The following NR3C2 variants were observed in gnomAD, a reference collection of about 807,000 sequenced individuals.
NR3C2 encodes the protein nuclear receptor subfamily 3 group C member 2.
NR3C2 carries 15 observed loss-of-function variants against 86.4 expected under a neutral mutation model. That is an observed-to-expected ratio of 0.17 (90% CI 0.12 to 0.27). The LOEUF is 0.27. NR3C2 is among the 10% of genes least tolerant of loss of function. The pLI is 1.00. For missense variants in NR3C2, 960 were observed against 1,195.6 expected, an observed-to-expected ratio of 0.80 and a Z score of 2.91; for synonymous variants, 458 against 450.5, an observed-to-expected ratio of 1.02 and a Z score of -0.21.
chr4:148,188,826 T>C (rs1240171000), intron 4 of NR3C2, among the ~76,000 whole-genome samples: 1 of 152,130 alleles, frequency 6.6e-6, no homozygotes, highest in East Asian at 1.9e-4. Context: ...TCAGAGGGAA[T>C]GCTTTCAACT....
chr4:148,134,029 C>T (rs942797153), intron 6 of NR3C2, among the ~76,000 whole-genome samples: 8 of 152,182 alleles, frequency 5.3e-5, no homozygotes, highest in African/African-American at 1.7e-4. Context: ...CCCTAGAAAA[C>T]ATTTTTGGAT....
rs780306829 is a variant in NR3C2 at position 148,436,009 on chromosome 4, T to C, written c.852A>G (p.Pro284=). The change falls in exon 2 of 9, where the codon CCA becomes CCG. Residue 284 remains proline (P), a synonymous_variant. Transcript: ENST00000358102. ...SPPSHCSVKS[P]VSSPNNVTLR... is the part of the protein sequence containing the mutation. ...GAGTGACATTATTGGGACTGGAGAC[T>C]GGAGATTTTACACTGCAGTGACTTG... is the stretch of plus-strand genomic sequence containing the variant. The C allele has an allele frequency of 6.2e-6, 10 of 1,614,158 alleles. No individual in the cohort carries two copies. Among genetic ancestry groups the C allele is most frequent in the Middle Eastern group, 1.6e-4 (1 of 6,062 alleles).
intron 2 of NR3C2, among the ~76,000 whole-genome samples, chr4:148,424,806 T>C (rs1749449357): frequency 1.3e-5 from 2 of 152,176 alleles, no homozygotes; most frequent in South Asian, 4.1e-4. Context: ...TTTTAGTGAA[T>C]GATAGAACTC....
intron 2 of NR3C2, among the ~76,000 whole-genome samples, chr4:148,405,177 CAT>C (rs1320651972): frequency 6.6e-6 from 1 of 152,110 alleles, no homozygotes; most frequent in Non-Finnish European, 1.5e-5. Flanking sequence ...GACAATTTGA[CAT>C]GTTATATGTC....
chr4:148,085,956 A>G (rs1023216556), intron 8 of NR3C2, among the ~76,000 whole-genome samples: 1 of 152,232 alleles, frequency 6.6e-6, no homozygotes, highest in Non-Finnish European at 1.5e-5. Flanking sequence ...GAACAGACCA[A>G]TAACAAGTTC....
rs573003518 is a variant in NR3C2 at position 148,207,337 on chromosome 4, T to C, written c.1898-12475A>G. 6.6e-5 allele frequency among the ~76,000 whole-genome samples: 10 copies of C among 152,290 alleles called. No individual in the cohort carries two copies. In the East Asian group the frequency reaches 1.9e-3, roughly 29 times the overall value. On this transcript the variant is annotated intron_variant, in intron 3 of 8. Transcript: ENST00000358102. ...CAAACTCAAGTCTGACAAAAGCCCA[T>C]GCTCACTAGAATCACCTGGCCAGTC... is the stretch of plus-strand genomic sequence containing the variant.
At chr4:148,355,353 A>G (rs910912673) in intron 2 of NR3C2, among the ~76,000 whole-genome samples, 2 of 152,170 alleles carry the variant, frequency 1.3e-5, no homozygotes, top group African/African-American at 4.8e-5. Context: ...CATATACTTA[A>G]CGGCCTTGCA....
intron 4 of NR3C2, among the ~76,000 whole-genome samples, chr4:148,180,188 G>A (rs934150135): frequency 6.6e-6 from 1 of 151,774 alleles, no homozygotes; most frequent in African/African-American, 2.4e-5. Flanking sequence ...CCCACACTGT[G>A]AGTTTTGCAG....
chr4:148,384,547 T>C (rs1747169843), intron 2 of NR3C2, among the ~76,000 whole-genome samples: 1 of 152,176 alleles, frequency 6.6e-6, no homozygotes, highest in African/African-American at 2.4e-5. Flanking sequence ...TTGAACTTAA[T>C]ACTCAAGTCT....
intron 2 of NR3C2, among the ~76,000 whole-genome samples, chr4:148,292,416 A>C (rs1168605247): frequency 1.3e-5 from 2 of 152,100 alleles, no homozygotes; most frequent in Non-Finnish European, 2.9e-5. Flanking sequence ...TAAGAAGAAA[A>C]ATGTAGGATG....
At chr4:148,164,029 T>G (rs1734778533) in intron 4 of NR3C2, among the ~76,000 whole-genome samples, 1 of 152,334 alleles carries the variant, frequency 6.6e-6, no homozygotes, top group African/African-American at 2.4e-5. Context: ...TTTTCTAAAT[T>G]ATCTATAAGG....
At chr4:148,320,190 C>T (rs78365292) in intron 2 of NR3C2, among the ~76,000 whole-genome samples, 2,192 of 61,050 alleles carry the variant, frequency 0.036, 85 homozygotes, top group East Asian at 0.1. Flanking sequence ...TATTGATTTG[C>T]GTATATTGAA....
At chr4:148,219,302 A>T (rs1331280508) in intron 3 of NR3C2, among the ~76,000 whole-genome samples, 1 of 152,152 alleles carries the variant, frequency 6.6e-6, no homozygotes, top group East Asian at 1.9e-4. Context: ...CAAATCTTTT[A>T]TCTAAAAGAG....
At chr4:148,096,174 C>T (rs1731267820) in intron 8 of NR3C2, among the ~76,000 whole-genome samples, 1 of 151,932 alleles carries the variant, frequency 6.6e-6, no homozygotes, top group Non-Finnish European at 1.5e-5. Flanking sequence ...AGAAAAATGA[C>T]ACAATGGAAA....
intron 2 of NR3C2, among the ~76,000 whole-genome samples, chr4:148,400,747 C>G (rs1371731598): frequency 2.8e-5 from 4 of 140,422 alleles, no homozygotes; most frequent in African/African-American, 1.1e-4. Flanking sequence ...CCACTGCACT[C>G]CAGCCTGGGC....
At chr4:148,113,427 C>T (rs545001721) in intron 8 of NR3C2, among the ~76,000 whole-genome samples, 1 of 152,260 alleles carries the variant, frequency 6.6e-6, no homozygotes, top group East Asian at 1.9e-4. Context: ...ATGTGAAACT[C>T]AATCTGACAC....
chr4:148,347,679 G>A (rs1306629963), intron 2 of NR3C2, among the ~76,000 whole-genome samples: 1 of 152,102 alleles, frequency 6.6e-6, no homozygotes, highest in Non-Finnish European at 1.5e-5. Flanking sequence ...TGTTTACTGA[G>A]TACCTACGCA....
intron 2 of NR3C2, among the ~76,000 whole-genome samples, chr4:148,372,614 T>G (rs1431165664): frequency 6.6e-6 from 1 of 152,180 alleles, no homozygotes; most frequent in African/African-American, 2.4e-5. Flanking sequence ...AATAATACAT[T>G]ATGAAACATT....
chr4:148,363,162 G>A (rs541878651), intron 2 of NR3C2, among the ~76,000 whole-genome samples: 44 of 152,260 alleles, frequency 2.9e-4, no homozygotes, highest in African/African-American at 9.6e-4. Flanking sequence ...GACAGATGCC[G>A]AAGCCCTGAG....
Sources: allele counts gnomAD v4.1 joint callset (sites outside exome capture counted in the v4.1 genomes callset), GRCh38; gene constraint gnomAD v4.1.1; transcripts MANE v1.5; gene names NCBI Gene and HGNC (gene_info 2026-07-23, HGNC 2026-07-21).